Variants in ENKUR observed in about 807,000 individuals in gnomAD.
The protein encoded by ENKUR is enkurin, TRPC channel interacting protein, also known as enkurin.
In ENKUR, 19 loss-of-function variants were observed where a neutral mutation model predicts 27.6. That is an observed-to-expected ratio of 0.69 (90% CI 0.48 to 1.01). ENKUR has a LOEUF of 1.01. Ranked by LOEUF, ENKUR falls within the 50% of genes least tolerant of loss-of-function variation. ENKUR has a pLI of 0.00. For synonymous variants in ENKUR, 117 were observed against 96.9 expected, an observed-to-expected ratio of 1.21 and a Z score of -1.22; for missense variants, 312 against 310.5, an observed-to-expected ratio of 1.00 and a Z score of -0.04.
intron 2 of ENKUR, among the ~76,000 whole-genome samples, chr10:25,032,157 T>G (rs1024410201): frequency 6.6e-6 from 1 of 152,196 alleles, no homozygotes; most frequent in African/African-American, 2.4e-5. Flanking sequence ...GGAAACCATA[T>G]CCTGGATGGG....
intron 1 of ENKUR, among the ~76,000 whole-genome samples, chr10:25,010,941 GT>G (rs1850430150): frequency 1.3e-5 from 2 of 151,620 alleles, no homozygotes; most frequent in African/African-American, 4.8e-5. Context: ...ATGATTTATG[GT>G]CCTTTGGGTA....
intron 2 of ENKUR, among the ~76,000 whole-genome samples, chr10:25,029,195 T>C (rs1221660062): frequency 6.6e-6 from 1 of 152,184 alleles, no homozygotes; most frequent in Non-Finnish European, 1.5e-5. Flanking sequence ...CTTAATAGCA[T>C]GTAAAACCAT....
chr10:24,986,349 G>A (rs1186686847), intron 4 of ENKUR, among the ~76,000 whole-genome samples: 1 of 152,158 alleles, frequency 6.6e-6, no homozygotes, highest in Non-Finnish European at 1.5e-5. Context: ...CAAATTATGA[G>A]GCCTTCTTGA....
Position 24,984,337 on chromosome 10 carries a change from T to C in ENKUR, c.*33A>G. 2 of 1,577,958 alleles carry C rather than the reference T, an allele frequency of 1.3e-6. No homozygotes were observed. Among genetic ancestry groups the C allele is most frequent in the Non-Finnish European group, 1.7e-6 (2 of 1,163,736 alleles). On this transcript the variant is annotated 3_prime_UTR_variant, in exon 6 of 6. Transcript: ENST00000331161. ...ACGTGTTACTATTTCCAGTTCAAAA[T>C]ACTTAACAGTTTTCAAAGTTGTGCT...
At chr10:25,019,587 T>C (rs551760229), upstream of ENKUR, among the ~76,000 whole-genome samples, 90 of 152,338 alleles carry the variant, frequency 5.9e-4, no homozygotes, top group African/African-American at 2.1e-3. Flanking sequence ...TATTATAAGT[T>C]ATTCAGAGAT....
chr10:25,047,247 G>T (rs1201206326), intron 2 of ENKUR, among the ~76,000 whole-genome samples: 1 of 152,114 alleles, frequency 6.6e-6, no homozygotes, highest in Non-Finnish European at 1.5e-5. Context: ...CAGCAAGCAG[G>T]ATTCAACATC....
chr10:24,984,430 G>C, intron 5 of ENKUR, 54 bp from the exon 6 acceptor site: 1 of 1,548,696 alleles, frequency 6.5e-7, no homozygotes, highest in Non-Finnish European at 8.7e-7. Context: ...TTATTTTTCA[G>C]GACCTAGAAA....
intron 3 of ENKUR, among the ~76,000 whole-genome samples, chr10:24,991,416 C>G (rs932342238): frequency 6.6e-6 from 1 of 151,996 alleles, no homozygotes; most frequent in African/African-American, 2.4e-5. Flanking sequence ...CCCCGAGACC[C>G]TAGCAGGCAG....
In ENKUR at chr10:24,982,821, G is replaced by A. The variant is rs967885385; in HGVS notation, c.*1549C>T. On this transcript the variant is annotated 3_prime_UTR_variant, in exon 6 of 6. Transcript: ENST00000331161. The stretch of plus-strand genomic sequence containing the variant: ...ATCTAGGACAACACTGTAGACCATA[G>A]AGAAAAGTCTAGATTCTTTAGTAGA... 1 of 152,152 alleles carries A rather than the reference G, an allele frequency of 6.6e-6. No homozygotes were observed. Among genetic ancestry groups the A allele is most frequent in the Non-Finnish European group, 1.5e-5 (1 of 68,034 alleles). 9.4% of individuals were successfully genotyped at this position (152,152 alleles called of 1,614,324 possible).
chr10:25,033,115 AAAAC>A (rs1457887480), intron 2 of ENKUR, among the ~76,000 whole-genome samples: 11 of 152,274 alleles, frequency 7.2e-5, no homozygotes, highest in East Asian at 1.9e-4. Flanking sequence ...AGTTTTAGCA[AAAAC>A]AAACAAAAAT....
At chr10:24,992,915 T>C (rs1849956857) in intron 3 of ENKUR, among the ~76,000 whole-genome samples, 1 of 152,178 alleles carries the variant, frequency 6.6e-6, no homozygotes, top group Admixed American at 6.5e-5. Flanking sequence ...AACACCTCAT[T>C]ACAGCTTAGT....
intron 2 of ENKUR, among the ~76,000 whole-genome samples, chr10:25,037,245 A>G (rs534660435): frequency 6.6e-6 from 1 of 152,164 alleles, no homozygotes; most frequent in Non-Finnish European, 1.5e-5. Context: ...CATTTTTGCA[A>G]CTTAGTAGTG....
In ENKUR at chr10:24,999,487, A is replaced by G; in HGVS notation, c.137T>C (p.Met46Thr). 1 of 1,613,248 alleles carries G rather than the reference A, an allele frequency of 6.2e-7. No individual in the cohort carries two copies. Among genetic ancestry groups the G allele is most frequent in the Non-Finnish European group, 8.5e-7 (1 of 1,179,644 alleles). The stretch of plus-strand genomic sequence containing the variant: ...AACTTTTGCTGGTCCCATAGTTTTC[A>G]TTGCAGTTTTAGCTTTTTGCATGTC... ...KDDMQKAKTA[M>T]KTMGPAKVEV... The change falls in exon 2 of 6, where the codon ATG becomes ACG. Residue 46 changes from methionine (M) to threonine (T), a missense_variant. Met to Thr is a moderately conservative substitution (Grantham distance 81, BLOSUM62 -1). Coordinates refer to ENST00000331161, the MANE Select transcript of ENKUR (RefSeq NM_145010.4).
chr10:24,987,423 G>A (rs777197926), intron 4 of ENKUR, among the ~76,000 whole-genome samples: 7 of 151,976 alleles, frequency 4.6e-5, no homozygotes, highest in Admixed American at 1.3e-4. Flanking sequence ...GATTGCTTGA[G>A]GCCAGGAATT....
chr10:25,059,650 T>A (rs2130501063), intron 2 of ENKUR, among the ~76,000 whole-genome samples: 1 of 152,234 alleles, frequency 6.6e-6, no homozygotes, highest in East Asian at 1.9e-4. Flanking sequence ...TAACAAGCAC[T>A]TGTTGCATGA....
chr10:25,007,660 T>C (rs1374691744), intron 1 of ENKUR, among the ~76,000 whole-genome samples: 1 of 152,132 alleles, frequency 6.6e-6, no homozygotes, highest in East Asian at 1.9e-4. Context: ...GTTCTCGATC[T>C]CCTGACCTCA....
At position 24,999,530 on chromosome 10, in the gene ENKUR, TA is replaced by T. The variant is rs773209291; in HGVS notation, c.93del (p.Phe31LeufsTer5). On this transcript the variant is annotated frameshift_variant, in exon 2 of 6. Transcript: ENST00000331161. LOFTEE classifies it high-confidence loss of function. ...TGCATGTCATCTTTTACAGTTGCCTTAAAAATGGATATGTACCTAAAATTGA... is the reference window on the plus strand; with the variant it reads ...TGCATGTCATCTTTTACAGTTGCCTTAAAATGGATATGTACCTAAAATTGA... Reference protein sequence around the residue: ...PPQPPRYISIFKATVKDDMQK... With the variant: ...PPQPPRYISIXKATVKDDMQK... 1 of 1,609,036 alleles carries T rather than the reference TA, an allele frequency of 6.2e-7. No individual in the cohort carries two copies. The highest frequency in any genetic ancestry group is 1.1e-5 in the South Asian group (1 of 89,366).
intron 2 of ENKUR, among the ~76,000 whole-genome samples, chr10:25,060,449 A>T (rs891503083): frequency 2.0e-5 from 3 of 152,236 alleles, no homozygotes; most frequent in African/African-American, 7.2e-5. Context: ...AGTCTATTGA[A>T]GAAAAATAAT....
chr10:25,023,924 C>G lies in ENKUR; in HGVS notation c.38-28055G>C, dbSNP rs760153062. On this transcript the variant is annotated intron_variant, in intron 2 of 5. Coordinates refer to the ENKUR transcript ENST00000615958. Reference sequence around the variant, plus strand: ...GTGGACTCGGAAACATTCATTTCAACAAGACACGTTTGGCCTGAAGACTGT... The same window carrying G: ...GTGGACTCGGAAACATTCATTTCAAGAAGACACGTTTGGCCTGAAGACTGT... 1.2e-5 allele frequency: 19 copies of G among 1,614,146 alleles called. No homozygotes were observed. The Admixed American group carries it at 3.2e-4, about 27-fold the overall frequency.
Sources: allele counts gnomAD v4.1 joint callset (sites outside exome capture counted in the v4.1 genomes callset), GRCh38; gene constraint gnomAD v4.1.1; transcripts MANE v1.5; gene names NCBI Gene and HGNC (gene_info 2026-07-23, HGNC 2026-07-21).